The following AMER1 variants were observed in gnomAD, a reference collection of about 807,000 sequenced individuals.
The protein encoded by AMER1 is RP11-403E24.2.
In AMER1, 16 loss-of-function variants were observed where a neutral mutation model predicts 53.0. The observed-to-expected ratio is 0.30, with a 90% CI of 0.20 to 0.46. AMER1 has a LOEUF of 0.46. Ranked by LOEUF, AMER1 falls within the 20% of genes least tolerant of loss-of-function variation. AMER1 has a pLI of 1.00. For synonymous variants in AMER1, 354 were observed against 331.9 expected (o/e 1.07, Z -0.73); for missense variants, 947 against 884.9 (o/e 1.07, Z -0.89).
chrX:64,198,477 G>A (rs767978767), intron 1 of AMER1, among the ~76,000 whole-genome samples: 64 of 111,695 alleles, frequency 5.7e-4, no homozygotes, highest in African/African-American at 1.6e-3. Context: ...TAGTGAAATG[G>A]TGACAGAGCC....
At chrX:64,199,063 G>A (rs1339419214) in intron 1 of AMER1, among the ~76,000 whole-genome samples, 1 of 112,198 alleles carries the variant, frequency 8.9e-6, no homozygotes, top group Non-Finnish European at 1.9e-5. Context: ...AGATGCAGCT[G>A]GCAGAGCCCC....
At chrX:64,203,780 C>T (rs972576613) in intron 1 of AMER1, among the ~76,000 whole-genome samples, 1 of 111,198 alleles carries the variant, frequency 9.0e-6, no homozygotes, top group African/African-American at 3.3e-5. Context: ...ACATTAGGTG[C>T]CTGCTGGCCT....
At position 64,189,387 on chromosome X, in the gene AMER1, T is replaced by A; in HGVS notation, c.*492A>T. On this transcript the variant is annotated 3_prime_UTR_variant, in exon 2 of 2. Transcript: ENST00000374869. ...TGCTAATCAGTGGTTCATCATTCAT[T>A]GGGGGAAAGGGGCAGGGGGCACTAA... 1.3e-6 allele frequency: 1 copy of A among 781,542 alleles called. No homozygotes were observed. The highest frequency in any genetic ancestry group is 1.5e-6 in the Non-Finnish European group (1 of 656,713). The allele number at this position is 781,542 out of a possible 1,213,427, so 64.4% of individuals were successfully genotyped here.
Position 64,190,967 on chromosome X carries a change from C to T in AMER1, c.2320G>A (p.Val774Ile), listed in dbSNP as rs1424452703. The change falls in exon 2 of 2, where the codon GTA becomes ATA. Residue 774 changes from valine to isoleucine, a missense_variant. Transcript: ENST00000374869. The stretch of plus-strand genomic sequence containing the variant: ...AGGTTCCCATTGCTGGTGAACTCTA[C>T]CAGGGCCTGTGAGAAACTCACAGTG... ...NATVSFSQAL[V>I]EFTSNGNLFS... The T allele has an allele frequency of 9.1e-6, 11 of 1,209,722 alleles. No individual in the cohort carries two copies. The highest frequency in any genetic ancestry group is 8.8e-5 in the South Asian group (5 of 56,711).
chrX:64,200,992 T>G (rs1376066701), intron 1 of AMER1, among the ~76,000 whole-genome samples: 1 of 111,015 alleles, frequency 9.0e-6, no homozygotes, highest in Non-Finnish European at 1.9e-5. Context: ...GGAGGGTTAG[T>G]ATCCACTTGG....
Position 64,189,108 on chromosome X carries a change from C to T in AMER1, c.*771G>A. 2 of 780,948 alleles carry T rather than the reference C, an allele frequency of 2.6e-6. No homozygotes were observed. The highest frequency in any genetic ancestry group is 3.0e-6 in the Non-Finnish European group (2 of 667,409). The allele number at this position is 780,948 out of a possible 1,213,427, so 64.4% of individuals were successfully genotyped here. ...TTAGCATTTTTGTCTTTAACCCAAG[C>T]TATGGCAGGACAGTTAAAAGGCCCC... On this transcript the variant is annotated 3_prime_UTR_variant, in exon 2 of 2. Coordinates refer to ENST00000374869, the MANE Select transcript of AMER1 (RefSeq NM_152424.4).
intron 1 of AMER1, among the ~76,000 whole-genome samples, chrX:64,203,774 T>G (rs1271455950): frequency 1.8e-5 from 2 of 111,173 alleles, no homozygotes; most frequent in African/African-American, 6.6e-5. Flanking sequence ...GCAGATACAT[T>G]AGGTGCCTGC....
Position 64,188,039 on chromosome X carries a change from AC to A in AMER1, c.*1839del. The A allele has an allele frequency of 1.5e-5, 12 of 782,479 alleles. No homozygotes were observed. Among genetic ancestry groups the A allele is most frequent in the Non-Finnish European group, 1.7e-5 (11 of 656,230 alleles). 64.5% of individuals were successfully genotyped at this position (782,479 alleles called of 1,213,427 possible). On this transcript the variant is annotated 3_prime_UTR_variant, in exon 2 of 2. Coordinates refer to ENST00000374869, the MANE Select transcript of AMER1 (RefSeq NM_152424.4). ...ATTTGTGAGTAAGGGCACTGGGCCA[AC>A]CCCAATCTGAGAAATGGTGACAAAG...
In AMER1 at chrX:64,189,514, G is replaced by A. The variant is rs5918540; in HGVS notation, c.*365C>T. 426 of 29,340 alleles carry A rather than the reference G, an allele frequency of 0.015. 4 individuals are homozygous for A. The highest frequency in any genetic ancestry group is 0.034 in the African/African-American group (200 of 5,952). The allele number at this position is 29,340 out of a possible 1,213,427, so 2.4% of individuals were successfully genotyped here. Reference sequence around the variant, plus strand: ...TGTGTGTGTGTGTGTGTGTGTGTGTGTATATATATATATATATATATATAT... The same window carrying A: ...TGTGTGTGTGTGTGTGTGTGTGTGTATATATATATATATATATATATATAT... On this transcript the variant is annotated 3_prime_UTR_variant, in exon 2 of 2. Coordinates refer to ENST00000374869, the MANE Select transcript of AMER1 (RefSeq NM_152424.4).
At chrX:64,197,942 T>A (rs1043571174) in intron 1 of AMER1, among the ~76,000 whole-genome samples, 11 of 112,758 alleles carry the variant, frequency 9.8e-5, no homozygotes, top group Non-Finnish European at 1.5e-4. Flanking sequence ...AAAAACATTA[T>A]AGTAACCAAC....
Position 64,187,452 on chromosome X carries a change from C to T in AMER1, c.*2427G>A, listed in dbSNP as rs1052564068. On this transcript the variant is annotated 3_prime_UTR_variant, in exon 2 of 2. Coordinates refer to ENST00000374869, the MANE Select transcript of AMER1 (RefSeq NM_152424.4). ...CAAAGCCCAACAAAGTGTGTCAGGGCTATGCCAGTGCCCCTCAGAGACAAT... is the reference window on the plus strand; with the variant it reads ...CAAAGCCCAACAAAGTGTGTCAGGGTTATGCCAGTGCCCCTCAGAGACAAT... 3 of 789,402 alleles carry T rather than the reference C, an allele frequency of 3.8e-6. No individual in the cohort carries two copies. Among genetic ancestry groups the T allele is most frequent in the Non-Finnish European group, 4.5e-6 (3 of 661,083 alleles). The allele number at this position is 789,402 out of a possible 1,213,427, so 65.1% of individuals were successfully genotyped here.
chrX:64,205,383 G>A (rs1415451656), intron 1 of AMER1, among the ~76,000 whole-genome samples, 187 bp downstream of exon 1: 1 of 100,410 alleles, frequency 1.0e-5, no homozygotes, highest in Non-Finnish European at 2.0e-5. Context: ...TTGTGCCCAG[G>A]GGACTCAAGG....
In AMER1 at chrX:64,186,120, C is replaced by A; in HGVS notation, c.*3759G>T. The A allele has an allele frequency of 8.3e-7, 1 of 1,207,939 alleles. No homozygotes were observed. The highest frequency in any genetic ancestry group is 1.1e-6 in the Non-Finnish European group (1 of 892,527). Reference sequence around the variant, plus strand: ...AAGCCAGAAAATGACAAGCTGTCTACCAGGTCCCACACGCCTGAGTCACTT... The same window carrying A: ...AAGCCAGAAAATGACAAGCTGTCTAACAGGTCCCACACGCCTGAGTCACTT... On this transcript the variant is annotated 3_prime_UTR_variant, in exon 2 of 2. Transcript: ENST00000374869.
rs1406041946 is a variant in AMER1 at position 64,193,021 on chromosome X, C to A, written c.266G>T (p.Gly89Val). The change falls in exon 2 of 2, where the codon GGT becomes GTT. Residue 89 changes from glycine to valine, a missense_variant. Gly to Val is a moderately radical substitution (Grantham distance 109). Transcript: ENST00000374869. The stretch of plus-strand genomic sequence containing the variant: ...ATCGTGGGTCTTGCTCTTGCTGAGA[C>A]CTTTCTTGGAGCTGCCTTTCCCAGA... ...KGSGKGSSKK[G>V]LSKSKTHDGL... The A allele has an allele frequency of 1.7e-6, 2 of 1,210,008 alleles. No homozygotes were observed. Among genetic ancestry groups the A allele is most frequent in the Non-Finnish European group, 2.2e-6 (2 of 895,217 alleles).
rs746882855 is a variant in AMER1, at chrX:64,197,347, A to G, written c.-98-3963T>C. Among the ~76,000 whole-genome samples, 168 of 112,873 alleles carry G rather than the reference A, an allele frequency of 1.5e-3. 1 individual carries two copies. The highest frequency in any genetic ancestry group is 5.2e-3 in the African/African-American group (163 of 31,104). On this transcript the variant is annotated intron_variant, in intron 1 of 1. Transcript: ENST00000374869. Reference sequence around the variant, plus strand: ...ATTCCAGCTCCCTGAGCCAGATTCAAGCCATTCTGGGGCCAGTGGAAGGCT... The same window carrying G: ...ATTCCAGCTCCCTGAGCCAGATTCAGGCCATTCTGGGGCCAGTGGAAGGCT...
chrX:64,197,425 G>A, intron 1 of AMER1, among the ~76,000 whole-genome samples: 1 of 112,839 alleles, frequency 8.9e-6, no homozygotes, highest in Non-Finnish European at 1.9e-5. Flanking sequence ...ACATAGGCAG[G>A]AGGCCAGCCA....
At position 64,189,793 on chromosome X, in the gene AMER1, A is replaced by ACCACCCCCCCCCCCCCCCCC; in HGVS notation, c.*85_*86insGGGGGGGGGGGGGGGGGTGG. On this transcript the variant is annotated 3_prime_UTR_variant, in exon 2 of 2. Coordinates refer to ENST00000374869, the MANE Select transcript of AMER1 (RefSeq NM_152424.4). Reference sequence around the variant, plus strand: ...CAAAGGGTTTTCAAGTTAAACAACAACCCCCACCCCCCCACCCTTCTGCCC... The same window carrying ACCACCCCCCCCCCCCCCCCC: ...CAAAGGGTTTTCAAGTTAAACAACAACCACCCCCCCCCCCCCCCCCCCCCCACCCCCCCACCCTTCTGCCC... The ACCACCCCCCCCCCCCCCCCC allele has an allele frequency of 3.4e-6, 1 of 292,074 alleles. No homozygotes were observed. Among genetic ancestry groups the ACCACCCCCCCCCCCCCCCCC allele is most frequent in the African/African-American group, 4.1e-5 (1 of 24,575 alleles). 24.1% of individuals were successfully genotyped at this position (292,074 alleles called of 1,213,427 possible). A position where few individuals can be genotyped will look rare whatever the true frequency, so the allele number is the denominator to read the frequency against.
In AMER1 at chrX:64,194,088, C is replaced by T. The variant is rs1196129348; in HGVS notation, c.-98-704G>A. The stretch of plus-strand genomic sequence containing the variant: ...CTCAAGAAAGGTACTCTCTGGGCTT[C>T]AATATTCGCCATTCAAGAGGCCTAT... On this transcript the variant is annotated intron_variant, in intron 1 of 1. Transcript: ENST00000374869. 1.6e-4 allele frequency among the ~76,000 whole-genome samples: 18 copies of T among 111,818 alleles called. No individual in the cohort carries two copies. The Admixed American group carries it at 1.7e-3, about 11-fold the overall frequency.
In AMER1 at chrX:64,190,841, G is replaced by A. The variant is rs765543269; in HGVS notation, c.2446C>T (p.Arg816Trp). 16 of 1,211,701 alleles carry A rather than the reference G, an allele frequency of 1.3e-5. No homozygotes were observed. Among genetic ancestry groups the A allele is most frequent in the Non-Finnish European group, 1.8e-5 (16 of 895,466 alleles). The change falls in exon 2 of 2, where the codon CGG (arginine) becomes TGG (tryptophan). Residue 816 changes from arginine to tryptophan, a missense_variant. Transcript: ENST00000374869. The part of the protein sequence containing the change: ...MVTFDIADVE[R>W]DGEGKCEENP... ...TCTTCACACTTGCCTTCCCCATCCCGTTCCACATCAGCGATGTCAAAGGTC... is the reference window on the plus strand; with the variant it reads ...TCTTCACACTTGCCTTCCCCATCCCATTCCACATCAGCGATGTCAAAGGTC...
Sources: allele counts gnomAD v4.1 joint callset (sites outside exome capture counted in the v4.1 genomes callset), GRCh38; gene constraint gnomAD v4.1.1; transcripts MANE v1.5; gene names NCBI Gene and HGNC (gene_info 2026-07-23, HGNC 2026-07-21).